NPFFR1: variants seen among roughly 807,000 people sequenced by gnomAD.
The protein encoded by NPFFR1 is G-protein coupled receptor 147.
In NPFFR1, 17 loss-of-function variants were observed where a neutral mutation model predicts 12.7. That is an observed-to-expected ratio of 1.34 (90% CI 0.92 to 2.01). NPFFR1 has a LOEUF of 2.01. NPFFR1 is among the 30% of genes most tolerant of loss of function. The pLI, the probability that NPFFR1 is intolerant of heterozygous loss-of-function variation, is 0.00. For missense variants in NPFFR1, 604 were observed against 606.5 expected, an observed-to-expected ratio of 1.00 and a Z score of 0.04; for synonymous variants, 296 against 264.5, an observed-to-expected ratio of 1.12 and a Z score of -1.16.
chr10:70,266,050 C>T (rs369280022), intron 2 of NPFFR1, 27 bp downstream of exon 2: 2 of 1,602,674 alleles, frequency 1.2e-6, no homozygotes, highest in East Asian at 4.5e-5. Flanking sequence ...GTAGGGGACA[C>T]TCCTGCTGCC....
Position 70,255,431 on chromosome 10 carries a change from G to T in NPFFR1, c.819C>A (p.Val273=), listed in dbSNP as rs1282692694. ...RRRARVVHML[V]MVALFFTLSW... ...ACAGCGTGAAGAACAGCGCCACCATGACCAGCATGTGCACCACGCGCGCTC... is the reference window on the plus strand; with the variant it reads ...ACAGCGTGAAGAACAGCGCCACCATTACCAGCATGTGCACCACGCGCGCTC... The change falls in exon 4 of 4, where the codon GTC becomes GTA. Residue 273 remains valine (V), a synonymous_variant. Coordinates refer to ENST00000277942, the MANE Select transcript of NPFFR1 (RefSeq NM_022146.5). This position sits in a 1 kb window ranked among gnomAD's most constrained non-coding sequence, Gnocchi z 4.2. 6.5e-7 allele frequency: 1 copy of T among 1,547,264 alleles called. No homozygotes were observed. Among genetic ancestry groups the T allele is most frequent in the South Asian group, 1.2e-5 (1 of 84,056 alleles).
At chr10:70,272,924 T>G (rs530884301) in intron 1 of NPFFR1, among the ~76,000 whole-genome samples, 6 of 152,366 alleles carry the variant, frequency 3.9e-5, no homozygotes, top group East Asian at 3.9e-4. Flanking sequence ...AAGTCTGTAC[T>G]CTGTATAAAA....
rs193176104 is a variant in NPFFR1 at position 70,261,669 on chromosome 10, G to T, written c.323-930C>A. 4.6e-5 allele frequency among the ~76,000 whole-genome samples: 7 copies of T among 152,312 alleles called. No individual in the cohort carries two copies. In the East Asian group the frequency reaches 1.2e-3, roughly 25 times the overall value. On this transcript the variant is annotated intron_variant, in intron 2 of 3. Transcript: ENST00000277942. ...AGGCCAGTGGTTCTCGACACTGGCT[G>T]CTCACGAGAATCATCTGGAGAGCTT... is the stretch of plus-strand genomic sequence containing the variant.
intron 3 of NPFFR1, among the ~76,000 whole-genome samples, chr10:70,257,010 T>C (rs1303239982): frequency 6.6e-6 from 1 of 152,230 alleles, no homozygotes; most frequent in Admixed American, 6.5e-5. Context: ...TTCATGCTTA[T>C]AATCCCAGCA....
At chr10:70,278,656 G>A (rs75641306) in intron 1 of NPFFR1, among the ~76,000 whole-genome samples, 42 of 152,118 alleles carry the variant, frequency 2.8e-4, no homozygotes, top group Non-Finnish European at 4.9e-4. Flanking sequence ...TCCCTCCTAC[G>A]TCTCTCAATC....
Position 70,250,986 on chromosome 10 carries a change from T to C in NPFFR1, c.*3971A>G, listed in dbSNP as rs977440589. 8 of 152,374 alleles carry C rather than the reference T, an allele frequency of 5.3e-5. No individual in the cohort carries two copies. Among genetic ancestry groups the C allele is most frequent in the East Asian group, 1.9e-4 (1 of 5,192 alleles). The allele number at this position is 152,374 out of a possible 1,614,324, so 9.4% of individuals were successfully genotyped here. A position where few individuals can be genotyped will look rare whatever the true frequency, so the allele number is the denominator to read the frequency against. ...CTTTTCATTTTCTTGTCTTTGCTTA[T>C]TGAAATCTTGTAAAATTTCCACAAT... is the stretch of plus-strand genomic sequence containing the variant. On this transcript the variant is annotated 3_prime_UTR_variant, in exon 4 of 4. Transcript: ENST00000277942.
intron 2 of NPFFR1, among the ~76,000 whole-genome samples, chr10:70,261,342 C>T (rs1840631391): frequency 6.6e-6 from 1 of 152,172 alleles, no homozygotes; most frequent in South Asian, 2.1e-4. Context: ...TTTCCTGAGG[C>T]CTTCCCATCC....
At chr10:70,260,539 G>A (rs965048971) in intron 3 of NPFFR1, 101 bp downstream of exon 3, 2 of 1,041,088 alleles carry the variant, frequency 1.9e-6, no homozygotes, top group East Asian at 2.6e-5. Flanking sequence ...TTACCATGGT[G>A]CAGCCCCAGC....
At chr10:70,258,089 T>C (rs1265300975) in intron 3 of NPFFR1, among the ~76,000 whole-genome samples, 5 of 152,200 alleles carry the variant, frequency 3.3e-5, no homozygotes, top group Non-Finnish European at 5.9e-5. Context: ...GTCCTTGGTA[T>C]GCAGAGCACC....
rs1270684563 is a variant in NPFFR1 at position 70,249,322 on chromosome 10, C to G, written c.*5635G>C. On this transcript the variant is annotated 3_prime_UTR_variant, in exon 4 of 4. Transcript: ENST00000277942. ...GCTGAGGCAGGAGAATCGCTTGAAC[C>G]TAGGAGGCAAAGGTTGCAGTGAGCC... 6.6e-6 allele frequency: 1 copy of G among 151,310 alleles called. No individual in the cohort carries two copies. The highest frequency in any genetic ancestry group is 1.5e-5 in the Non-Finnish European group (1 of 67,890). The allele number at this position is 151,310 out of a possible 1,614,324, so 9.4% of individuals were successfully genotyped here.
At position 70,249,502 on chromosome 10, in the gene NPFFR1, A is replaced by G. The variant is rs1158388803; in HGVS notation, c.*5455T>C. The G allele has an allele frequency of 6.6e-6, 1 of 151,886 alleles. No individual in the cohort carries two copies. The highest frequency in any genetic ancestry group is 2.4e-5 in the African/African-American group (1 of 41,354). 9.4% of individuals were successfully genotyped at this position (151,886 alleles called of 1,614,324 possible). A position where few individuals can be genotyped will look rare whatever the true frequency, so the allele number is the denominator to read the frequency against. On this transcript the variant is annotated 3_prime_UTR_variant, in exon 4 of 4. Transcript: ENST00000277942. The stretch of plus-strand genomic sequence containing the variant: ...ATATTATTATTATTATTATTATTTG[A>G]GATGGAATCTCACTCTGTCACCTAG...
Position 70,247,761 on chromosome 10 carries a change from G to A in NPFFR1, c.*7196C>T, listed in dbSNP as rs562325269. On this transcript the variant is annotated 3_prime_UTR_variant, in exon 4 of 4. Transcript: ENST00000277942. The stretch of plus-strand genomic sequence containing the variant: ...CAACAGCATCATTTATTGGTGACAG[G>A]ATTCAAAGACCTGGGCATTGCAGCT... The A allele has an allele frequency of 1.3e-5, 2 of 152,204 alleles. No homozygotes were observed. Among genetic ancestry groups the A allele is most frequent in the Non-Finnish European group, 2.9e-5 (2 of 68,038 alleles). 9.4% of individuals were successfully genotyped at this position (152,204 alleles called of 1,614,324 possible). A position where few individuals can be genotyped will look rare whatever the true frequency, so the allele number is the denominator to read the frequency against.
chr10:70,278,070 G>C, intron 1 of NPFFR1: 1 of 490,476 alleles, frequency 2.0e-6, no homozygotes, highest in East Asian at 5.8e-5. Flanking sequence ...GGGAACTGGT[G>C]AGGAGACAGA....
Position 70,255,825 on chromosome 10 carries a change from A to G in NPFFR1, c.425T>C (p.Phe142Ser). The G allele has an allele frequency of 6.2e-7, 1 of 1,604,908 alleles. No homozygotes were observed. Among genetic ancestry groups the G allele is most frequent in the Non-Finnish European group, 8.5e-7 (1 of 1,175,760 alleles). The change falls in exon 4 of 4, where the codon TTC becomes TCC. Residue 142 changes from phenylalanine to serine, a missense_variant and splice_region_variant. Phe to Ser is a radical substitution (Grantham distance 155). Transcript: ENST00000277942. The surrounding 1 kb of genome is among the most constrained non-coding windows in gnomAD (Gnocchi z 4.2). ...FTLVAIAVER[F>S]RCIVHPFREK... ...GCGGAAAGGGTGCACGATGCAGCGG[A>G]ACCTGCCGCGGGGAGAGAGACAGGC...
In NPFFR1 at chr10:70,250,154, A is replaced by C. The variant is rs1055050823; in HGVS notation, c.*4803T>G. On this transcript the variant is annotated 3_prime_UTR_variant, in exon 4 of 4. Transcript: ENST00000277942. The stretch of plus-strand genomic sequence containing the variant: ...TTGAACTCCTGACCTCAGGTGATCT[A>C]CGCACCTCAGCCTCCCAAAGTGCTG... The C allele has an allele frequency of 6.6e-6, 1 of 151,116 alleles. No individual in the cohort carries two copies. Among genetic ancestry groups the C allele is most frequent in the African/African-American group, 2.4e-5 (1 of 41,042 alleles). 9.4% of individuals were successfully genotyped at this position (151,116 alleles called of 1,614,324 possible).
chr10:70,266,036 G>T (rs1193498615), intron 2 of NPFFR1, 41 bp downstream of exon 2: 5 of 1,549,820 alleles, frequency 3.2e-6, no homozygotes, highest in Non-Finnish European at 4.4e-6. Flanking sequence ...AGTTGAAGTG[G>T]GGGGTAGGGG....
intron 1 of NPFFR1, among the ~76,000 whole-genome samples, chr10:70,275,070 G>T (rs1840788732): frequency 6.6e-6 from 1 of 152,190 alleles, no homozygotes; most frequent in Non-Finnish European, 1.5e-5. Context: ...ACCTCTTTTT[G>T]GTGAATGAGA....
chr10:70,283,198 C>A (rs2136814781), intron 1 of NPFFR1, among the ~76,000 whole-genome samples: 1 of 151,688 alleles, frequency 6.6e-6, no homozygotes, highest in East Asian at 1.9e-4. Context: ...ACAGAGGCAC[C>A]CCAGGTCTTT....
intron 3 of NPFFR1, among the ~76,000 whole-genome samples, chr10:70,256,477 A>G (rs1461434784): frequency 6.6e-6 from 1 of 152,232 alleles, no homozygotes; most frequent in Non-Finnish European, 1.5e-5. Flanking sequence ...AGGTGCGTCA[A>G]ATAACACAGT....
Sources: allele counts gnomAD v4.1 joint callset (sites outside exome capture counted in the v4.1 genomes callset), GRCh38; gene constraint gnomAD v4.1.1; non-coding constraint Gnocchi (gnomAD v3.1); transcripts MANE v1.5; gene names NCBI Gene and HGNC (gene_info 2026-07-23, HGNC 2026-07-21).